Variants in NYAP2 observed in about 807,000 individuals in gnomAD.
NYAP2 encodes the protein neuronal tyrosine-phosphorylated phosphoinositide-3-kinase adapter 2.
A neutral mutation model predicts 50.4 loss-of-function variants in NYAP2; 23 were observed. The ratio of observed to expected loss-of-function variants is 0.46; its 90% CI spans 0.33 to 0.65. The LOEUF (loss-of-function observed/expected upper bound fraction) is 0.65, where lower values mean the gene tolerates loss of function less well. Ranked by LOEUF, NYAP2 falls within the 30% of genes least tolerant of loss-of-function variation. The pLI, the probability that NYAP2 is intolerant of heterozygous loss-of-function variation, is 0.02. For synonymous variants in NYAP2, 394 were observed against 365.2 expected (o/e 1.08, Z -0.90); for missense variants, 885 against 861.0 (o/e 1.03, Z -0.35).
the NYAP2 span, among the ~76,000 whole-genome samples, chr2:225,691,879 T>A: frequency 6.6e-5 from 10 of 152,052 alleles, no homozygotes; most frequent in Non-Finnish European, 1.5e-5. Context: ...AGGTTAAACT[T>A]ACACTCCTTA....
intron 5 of NYAP2, among the ~76,000 whole-genome samples, chr2:225,613,546 T>C (rs1692935699): frequency 6.6e-6 from 1 of 152,114 alleles, no homozygotes; most frequent in African/African-American, 2.4e-5. Flanking sequence ...ACACCTAAAA[T>C]TAACCATCAT....
intron 4 of NYAP2, among the ~76,000 whole-genome samples, chr2:225,556,838 A>G (rs530595203): frequency 1.3e-5 from 2 of 152,172 alleles, no homozygotes; most frequent in Non-Finnish European, 2.9e-5. Context: ...TAGTGATACT[A>G]ATGATTATAA....
At chr2:225,499,685 C>T (rs1322303463) in intron 3 of NYAP2, among the ~76,000 whole-genome samples, 1 of 152,060 alleles carries the variant, frequency 6.6e-6, no homozygotes, top group Non-Finnish European at 1.5e-5. Flanking sequence ...GACTTAAGGA[C>T]AGTGATAAGA....
In NYAP2 at chr2:225,527,185, A is replaced by G. The variant is rs190121962; in HGVS notation, c.523+13513A>G. On this transcript the variant is annotated intron_variant, in intron 4 of 6. Transcript: ENST00000636099. Reference sequence around the variant, plus strand: ...AGTTTGTTCAGTGTCTTAGATTCATAATATGACTCATTACCCATGTTGTTG... The same window carrying G: ...AGTTTGTTCAGTGTCTTAGATTCATGATATGACTCATTACCCATGTTGTTG... Among the ~76,000 whole-genome samples, 6 of 152,340 alleles carry G rather than the reference A, an allele frequency of 3.9e-5. No homozygotes were observed. In the East Asian group the frequency reaches 1.2e-3, roughly 29 times the overall value.
intron 3 of NYAP2, among the ~76,000 whole-genome samples, chr2:225,457,044 C>A (rs549134796): frequency 6.6e-6 from 1 of 152,118 alleles, no homozygotes; most frequent in African/African-American, 2.4e-5. Context: ...CTTAAAATGG[C>A]GGTATTTGTC....
At chr2:225,447,290 C>T (rs909683690) in intron 3 of NYAP2, among the ~76,000 whole-genome samples, 1 of 152,176 alleles carries the variant, frequency 6.6e-6, no homozygotes, top group Non-Finnish European at 1.5e-5. Context: ...ACCAATACTG[C>T]ACCCTTCCTC....
the NYAP2 span, chr2:225,702,495 T>C: frequency 6.6e-6 from 1 of 151,710 alleles, no homozygotes; most frequent in Admixed American, 6.6e-5. Context: ...TGTTTACATA[T>C]GGCATTCTCT....
At chr2:225,624,437 G>A (rs998603827) in intron 5 of NYAP2, among the ~76,000 whole-genome samples, 8 of 152,168 alleles carry the variant, frequency 5.3e-5, no homozygotes, top group African/African-American at 1.9e-4. Context: ...AAAAATTGGG[G>A]AAGCTAAGTT....
chr2:225,582,438 C>T lies in NYAP2; in HGVS notation c.1021C>T (p.Pro341Ser). 6.7e-7 allele frequency: 1 copy of T among 1,495,490 alleles called. No individual in the cohort carries two copies. Among genetic ancestry groups the T allele is most frequent in the Non-Finnish European group, 9.1e-7 (1 of 1,104,766 alleles). The allele number at this position is 1,495,490 out of a possible 1,614,324, so 92.6% of individuals were successfully genotyped here. The change falls in exon 5 of 7, where the codon CCC (proline) becomes TCC (serine). Residue 341 changes from proline (P) to serine (S), a missense_variant. Physicochemically the swap from Pro to Ser is moderately conservative, Grantham distance 74. Transcript: ENST00000636099. The surrounding 1 kb of genome is among the most constrained non-coding windows in gnomAD (Gnocchi z 7.0). ...CAGACCCCCGCTGCTGGTATTTCCC[C>T]CCGCCCCCGTGCATTGCTCCCCCAA...
At chr2:225,678,952 A>G in the NYAP2 span, among the ~76,000 whole-genome samples, 4 of 152,174 alleles carry the variant, frequency 2.6e-5, no homozygotes, top group African/African-American at 9.7e-5. Context: ...AATAGAGGAT[A>G]ATGGTAATTT....
intron 4 of NYAP2, among the ~76,000 whole-genome samples, chr2:225,522,565 C>CA (rs1257255346): frequency 6.6e-6 from 1 of 152,118 alleles, no homozygotes. Context: ...AAGAATTACC[C>CA]AAAAAAGTAA....
chr2:225,702,644 G>A, the NYAP2 span: 3 of 151,644 alleles, frequency 2.0e-5, no homozygotes, highest in Non-Finnish European at 4.4e-5. Flanking sequence ...ATCATTAAAA[G>A]GGTAACACAT....
chr2:225,617,120 T>G (rs1205491204), intron 5 of NYAP2, among the ~76,000 whole-genome samples: 2 of 152,194 alleles, frequency 1.3e-5, no homozygotes, highest in South Asian at 2.1e-4. Context: ...CCAAGCGATC[T>G]CTATGTGAGA....
chr2:225,567,120 T>C (rs1345913362), intron 4 of NYAP2, among the ~76,000 whole-genome samples: 1 of 152,172 alleles, frequency 6.6e-6, no homozygotes, highest in East Asian at 1.9e-4. Context: ...TACAAACCTG[T>C]ATAGCATGTC....
intron 4 of NYAP2, among the ~76,000 whole-genome samples, chr2:225,557,048 C>T (rs1691790456): frequency 6.6e-6 from 1 of 152,146 alleles, no homozygotes; most frequent in Non-Finnish European, 1.5e-5. Flanking sequence ...GAGGCCAAAG[C>T]AAAACACACA....
chr2:225,574,466 T>C (rs1692132854), intron 4 of NYAP2, among the ~76,000 whole-genome samples: 1 of 152,222 alleles, frequency 6.6e-6, no homozygotes, highest in South Asian at 2.1e-4. Context: ...CTCTCTAAGC[T>C]CTTGAATCTA....
rs192021774 is a variant in NYAP2 at position 225,620,497 on chromosome 2, G to A, written c.1619-6420G>A. ...CGCACACGCACGCACGCACACACACGCACGCACACACACATGAAAAAACAG... is the reference window on the plus strand; with the variant it reads ...CGCACACGCACGCACGCACACACACACACGCACACACACATGAAAAAACAG... On this transcript the variant is annotated intron_variant, in intron 5 of 6. Transcript: ENST00000636099. Among the ~76,000 whole-genome samples the A allele has an allele frequency of 9.2e-4, 138 of 150,048 alleles. 1 individual carries two copies. The highest frequency in any genetic ancestry group is 6.7e-3 in the South Asian group (32 of 4,766).
intron 5 of NYAP2, among the ~76,000 whole-genome samples, chr2:225,613,631 A>T (rs1264738603): frequency 6.6e-6 from 1 of 152,244 alleles, no homozygotes; most frequent in Non-Finnish European, 1.5e-5. Flanking sequence ...AATACGTGGT[A>T]GCTCTAATAA....
At chr2:225,563,153 C>A (rs929122392) in intron 4 of NYAP2, among the ~76,000 whole-genome samples, 1 of 152,086 alleles carries the variant, frequency 6.6e-6, no homozygotes, top group Non-Finnish European at 1.5e-5. Context: ...CAAACACAGT[C>A]TCTCTATCTA....
Sources: allele counts gnomAD v4.1 joint callset (sites outside exome capture counted in the v4.1 genomes callset), GRCh38; gene constraint gnomAD v4.1.1; non-coding constraint Gnocchi (gnomAD v3.1); transcripts MANE v1.5; gene names NCBI Gene and HGNC (gene_info 2026-07-23, HGNC 2026-07-21).